CPAMD8: variants seen among roughly 807,000 people sequenced by gnomAD.
The protein encoded by CPAMD8 is C3 and PZP-like alpha-2-macroglobulin domain-containing protein 8.
In CPAMD8, 146 loss-of-function variants were observed where a neutral mutation model predicts 224.7. The observed-to-expected ratio is 0.65, with a 90% CI of 0.57 to 0.75. CPAMD8 has a LOEUF of 0.75. Ranked by LOEUF, CPAMD8 falls within the 30% of genes least tolerant of loss-of-function variation. CPAMD8 has a pLI of 0.00. For synonymous variants in CPAMD8, 966 were observed against 1,044.6 expected (o/e 0.92, Z 1.45); for missense variants, 2,301 against 2,537.5 (o/e 0.91, Z 2.00).
intron 15 of CPAMD8, among the ~76,000 whole-genome samples, chr19:16,977,138 A>T (rs2055306400): frequency 6.6e-6 from 1 of 152,154 alleles, no homozygotes; most frequent in Admixed American, 6.6e-5. Context: ...TCCTGAATTC[A>T]ACAAAGGCAG....
chr19:16,975,473 G>GA (rs895023691), intron 16 of CPAMD8, among the ~76,000 whole-genome samples: 3 of 152,136 alleles, frequency 2.0e-5, no homozygotes, highest in Admixed American at 2.0e-4. Context: ...TGGGGAGGCT[G>GA]AAACAGGAGG....
Position 16,970,913 on chromosome 19 carries a change from C to A in CPAMD8, c.2191G>T (p.Ala731Ser), listed in dbSNP as rs759072649. 2.5e-6 allele frequency: 4 copies of A among 1,613,494 alleles called. No homozygotes were observed. In the African/African-American group the frequency reaches 4.0e-5, roughly 16 times the overall value. Residue 731 changes from alanine to serine, a missense_variant, in exon 18 of 42, where the codon GCT becomes TCT. Physicochemically the swap from Ala to Ser is moderately conservative, Grantham distance 99. Coordinates refer to ENST00000443236, the MANE Select transcript of CPAMD8 (RefSeq NM_015692.5). Reference sequence around the variant, plus strand: ...TACCTGGGGGGGTGCCTGGAAGGAGCCACTGCCACCAGGCTCCCTGTGTGG... The same window carrying A: ...TACCTGGGGGGGTGCCTGGAAGGAGACACTGCCACCAGGCTCCCTGTGTGG... ...QPHTGSLVAV[A>S]PSRHPPRTEK... is the part of the protein sequence containing the mutation.
At position 16,896,634 on chromosome 19, in the gene CPAMD8, C is replaced by T. The variant is rs1454032838; in HGVS notation, c.5097G>A (p.Val1699=). The change falls in exon 40 of 42, where the codon GTG becomes GTA. Residue 1699 remains valine, a synonymous_variant. Coordinates refer to ENST00000443236, the MANE Select transcript of CPAMD8 (RefSeq NM_015692.5). The part of the protein sequence containing the change: ...GWFPGESGPA[V]APEEGAAIAR... ...CGATCGCCGCCCCCTCCTCAGGGGC[C>T]ACGGCAGGGCCCGACTCGCCGGGGA... 1.3e-6 allele frequency: 2 copies of T among 1,493,258 alleles called. No individual in the cohort carries two copies. The highest frequency in any genetic ancestry group is 2.1e-5 in the Admixed American group (1 of 47,026). 92.5% of individuals were successfully genotyped at this position (1,493,258 alleles called of 1,614,324 possible).
rs1437813550 is a variant in CPAMD8 at position 16,897,889 on chromosome 19, C to T, written c.4954G>A (p.Ala1652Thr). The T allele has an allele frequency of 1.2e-6, 2 of 1,607,672 alleles. No individual in the cohort carries two copies. Among genetic ancestry groups the T allele is most frequent in the East Asian group, 2.2e-5 (1 of 44,600 alleles). The change falls in exon 38 of 42, where the codon GCC becomes ACC. Residue 1652 changes from alanine (A) to threonine (T), a missense_variant and splice_region_variant. Transcript: ENST00000443236. Reference protein sequence around the residue: ...PVSVYDYYEPAFEATRFYNVS... With the variant: ...PVSVYDYYEPTFEATRFYNVS... ...CGGGGGTGCGGGCGCGCGGGCCTAC[C>T]GGGTTCGTAGTAGTCGTACACGGAG...
intron 25 of CPAMD8, 129 bp from the exon 26 acceptor site, chr19:16,925,501 G>C (rs2053328696): frequency 1.4e-6 from 1 of 704,658 alleles, no homozygotes; most frequent in South Asian, 1.8e-5. Context: ...TTTGGGACTG[G>C]CACCCTCTGC....
chr19:16,948,836 G>T (rs1010293707), intron 20 of CPAMD8, among the ~76,000 whole-genome samples: 1 of 91,408 alleles, frequency 1.1e-5, no homozygotes, highest in Non-Finnish European at 2.3e-5. Flanking sequence ...GGGAAGGGAG[G>T]AGAAGGGAAG....
At chr19:16,906,047 G>T (rs1472059045) in intron 30 of CPAMD8, among the ~76,000 whole-genome samples, 1 of 152,146 alleles carries the variant, frequency 6.6e-6, no homozygotes, top group Non-Finnish European at 1.5e-5. Flanking sequence ...GGAGGCGGGG[G>T]ATGCGTTCTC....
chr19:16,952,212 C>T lies in CPAMD8; in HGVS notation c.2277-12G>A. On this transcript the variant is annotated splice_polypyrimidine_tract_variant and intron_variant, in intron 19 of 41. Coordinates refer to ENST00000443236, the MANE Select transcript of CPAMD8 (RefSeq NM_015692.5). ...CACCAGATGGGTCACTGCGGAGAGACAGACAGCCATGATGGGGGGCCCTTC... is the reference window on the plus strand; with the variant it reads ...CACCAGATGGGTCACTGCGGAGAGATAGACAGCCATGATGGGGGGCCCTTC... The T allele has an allele frequency of 1.4e-6, 2 of 1,442,810 alleles. No homozygotes were observed. The highest frequency in any genetic ancestry group is 1.9e-6 in the Non-Finnish European group (2 of 1,050,208). The allele number at this position is 1,442,810 out of a possible 1,614,324, so 89.4% of individuals were successfully genotyped here.
intron 39 of CPAMD8, chr19:16,896,930 C>T (rs536252815): frequency 5.5e-5 from 19 of 348,348 alleles, no homozygotes; most frequent in African/African-American, 3.0e-4. Context: ...GTCTGGGCCG[C>T]CCTGCAACAA....
In CPAMD8 at chr19:16,902,837, G is replaced by C. The variant is rs1001030443; in HGVS notation, c.4497C>G (p.Asp1499Glu). The C allele has an allele frequency of 2.6e-6, 4 of 1,552,580 alleles. No individual in the cohort carries two copies. The highest frequency in any genetic ancestry group is 3.5e-6 in the Non-Finnish European group (4 of 1,146,074). The change falls in exon 35 of 42, where the codon GAC becomes GAG. Residue 1499 changes from aspartate to glutamate, a missense_variant. By Grantham distance (45) the Asp-to-Glu change is conservative. Transcript: ENST00000443236. Reference sequence around the variant, plus strand: ...GCTGGAAAGCTGGCTTGGCCACCGGGTCAGGCACATTGTAGGTGACATCAA... The same window carrying C: ...GCTGGAAAGCTGGCTTGGCCACCGGCTCAGGCACATTGTAGGTGACATCAA... ...MQIDVTYNVP[D>E]PVAKPAFQLL... is the part of the protein sequence containing the mutation.
chr19:17,022,197 T>A lies in CPAMD8; in HGVS notation c.93-16A>T. 6.2e-7 allele frequency: 1 copy of A among 1,606,550 alleles called. No individual in the cohort carries two copies. Among genetic ancestry groups the A allele is most frequent in the Non-Finnish European group, 8.5e-7 (1 of 1,176,214 alleles). On this transcript the variant is annotated splice_polypyrimidine_tract_variant and intron_variant, in intron 1 of 41. Coordinates refer to ENST00000443236, the MANE Select transcript of CPAMD8 (RefSeq NM_015692.5). Reference sequence around the variant, plus strand: ...CAAGTAACCCCTGCAGGAAAGGAGATCCGAGGTGAAGTTCTCACCCCAGAC... The same window carrying A: ...CAAGTAACCCCTGCAGGAAAGGAGAACCGAGGTGAAGTTCTCACCCCAGAC...
chr19:16,933,560 C>T (rs541186257), intron 23 of CPAMD8, among the ~76,000 whole-genome samples: 6 of 148,950 alleles, frequency 4.0e-5, no homozygotes, highest in African/African-American at 1.6e-4. Context: ...AAAAGACATA[C>T]TCATAGCAAA....
At chr19:16,903,991 C>T (rs1460389311) in intron 32 of CPAMD8, 134 bp from the exon 33 acceptor site, 2 of 963,874 alleles carry the variant, frequency 2.1e-6, no homozygotes, top group Non-Finnish European at 3.1e-6. Flanking sequence ...AGTGCAGACA[C>T]CCATGGCACT....
chr19:17,012,147 T>G (rs1334395803), intron 3 of CPAMD8, among the ~76,000 whole-genome samples: 1 of 151,322 alleles, frequency 6.6e-6, no homozygotes, highest in African/African-American at 2.4e-5. Flanking sequence ...GCCTCCTGAG[T>G]AGATGGGATT....
chr19:16,895,231 G>A (rs1273408902), intron 41 of CPAMD8: 5 of 152,504 alleles, frequency 3.3e-5, no homozygotes, highest in African/African-American at 1.2e-4. Context: ...CCAACATGGT[G>A]AAACCCCACC....
intron 21 of CPAMD8, among the ~76,000 whole-genome samples, chr19:16,946,358 G>T (rs2054084433): frequency 6.7e-6 from 1 of 149,008 alleles, no homozygotes. Context: ...TCTACACGTG[G>T]GGGTGTGTGT....
chr19:16,896,500 TGGCGGCAGGCGGCCTCCCGCA>T lies in CPAMD8; in HGVS notation c.5210_5230del (p.Leu1737_Arg1743del), dbSNP rs1165810306. The T allele has an allele frequency of 4.0e-5, 57 of 1,427,812 alleles. 1 individual carries two copies. Among genetic ancestry groups the T allele is most frequent in the South Asian group, 2.1e-4 (14 of 66,062 alleles). The allele number at this position is 1,427,812 out of a possible 1,614,324, so 88.4% of individuals were successfully genotyped here. ...AGGCGCGGGCTCCAGGGGCGCGGCC[TGGCGGCAGGCGGCCTCCCGCA>T]GGCGGCAGGCGCTGGCGTAGACCAC... On this transcript the variant is annotated inframe_deletion, in exon 40 of 42. Coordinates refer to ENST00000443236, the MANE Select transcript of CPAMD8 (RefSeq NM_015692.5).
intron 18 of CPAMD8, among the ~76,000 whole-genome samples, chr19:16,963,024 C>G (rs529004904): frequency 6.6e-6 from 1 of 152,276 alleles, no homozygotes; most frequent in South Asian, 2.1e-4. Context: ...GCCTGCCTTT[C>G]AAGAGCTCCT....
In CPAMD8 at chr19:17,015,451, T is replaced by C. The variant is rs999283088; in HGVS notation, c.268-3694A>G. ...GACCATTGTGTGGGTGAGGTCGGGG[T>C]GCACTAGGACCCCCGCTCTCTGAAG... is the stretch of plus-strand genomic sequence containing the variant. On this transcript the variant is annotated intron_variant, in intron 3 of 41. Transcript: ENST00000443236. 7.9e-5 allele frequency among the ~76,000 whole-genome samples: 12 copies of C among 151,924 alleles called. No homozygotes were observed. In the East Asian group the frequency reaches 2.1e-3, roughly 27 times the overall value.
Sources: gnomAD v4.1 joint callset for allele counts (sites outside exome capture counted in the v4.1 genomes callset) on GRCh38, gnomAD v4.1.1 for gene constraint, MANE v1.5 for transcripts, NCBI Gene and HGNC (gene_info 2026-07-23, HGNC 2026-07-21) for gene names.